Variants in LIN52 observed in about 807,000 individuals in gnomAD.
LIN52 encodes lin-52 DREAM MuvB core complex component, also known as protein lin-52 homolog.
In LIN52, 4 loss-of-function variants were observed where a neutral mutation model predicts 18.5. The observed-to-expected ratio is 0.22, with a 90% confidence interval of 0.11 to 0.49. The LOEUF is 0.49. Among genes scored for constraint, LIN52 ranks in the 20% least tolerant of loss-of-function variants. The probability of loss-of-function intolerance (pLI) is 0.97; values close to 1 mark genes in which losing one functional copy is unlikely to be tolerated. For synonymous variants in LIN52, 34 were observed against 45.5 expected, an observed-to-expected ratio of 0.75 and a Z score of 1.02; for missense variants, 102 against 139.5, an observed-to-expected ratio of 0.73 and a Z score of 1.35.
chr14:74,123,991 A>G (rs138561766), intron 5 of LIN52, among the ~76,000 whole-genome samples: 6 of 152,306 alleles, frequency 3.9e-5, no homozygotes, highest in Non-Finnish European at 8.8e-5. Flanking sequence ...AGAGAGTTAA[A>G]TTGGATGATG....
chr14:74,134,639 C>G, intron 5 of LIN52, among the ~76,000 whole-genome samples: 1 of 150,658 alleles, frequency 6.6e-6, no homozygotes, highest in South Asian at 2.3e-4. Context: ...CCCCCTCCCC[C>G]ATTTTCCTTT....
intron 4 of LIN52, among the ~76,000 whole-genome samples, chr14:74,098,864 A>G (rs2060833900): frequency 6.6e-6 from 1 of 152,100 alleles, no homozygotes; most frequent in African/African-American, 2.4e-5. Flanking sequence ...CTGCTTTTTT[A>G]AGTCTAGCCT....
At chr14:74,195,883 G>A (rs2078909466) in intron 5 of LIN52, among the ~76,000 whole-genome samples, 1 of 152,178 alleles carries the variant, frequency 6.6e-6, no homozygotes, top group Non-Finnish European at 1.5e-5. Flanking sequence ...GAATTAATCA[G>A]AAATGTTAAC....
chr14:74,117,958 A>G (rs2060974762), intron 5 of LIN52, among the ~76,000 whole-genome samples: 1 of 152,198 alleles, frequency 6.6e-6, no homozygotes, highest in Non-Finnish European at 1.5e-5. Context: ...AATAGAAGTA[A>G]TGATTTGTTT....
intron 2 of LIN52, among the ~76,000 whole-genome samples, chr14:74,093,781 C>T (rs2060789158): frequency 6.6e-6 from 1 of 152,176 alleles, no homozygotes; most frequent in Non-Finnish European, 1.5e-5. Flanking sequence ...GCCTAGCTAA[C>T]ATGGCGAAAC....
At chr14:74,178,568 G>A (rs113680450) in intron 5 of LIN52, among the ~76,000 whole-genome samples, 16,930 of 151,044 alleles carry the variant, frequency 0.11, 1,240 homozygotes, top group Admixed American at 0.19. Flanking sequence ...AGTGATTCTC[G>A]TGCGTTAGCC....
intron 4 of LIN52, among the ~76,000 whole-genome samples, chr14:74,100,765 C>G (rs930691143): frequency 1.3e-5 from 2 of 152,140 alleles, no homozygotes; most frequent in Non-Finnish European, 2.9e-5. Context: ...CATGAGCCAC[C>G]ATGCCTGGCT....
chr14:74,158,398 C>T (rs934732812), intron 5 of LIN52, among the ~76,000 whole-genome samples: 2 of 152,146 alleles, frequency 1.3e-5, no homozygotes, highest in South Asian at 4.1e-4. Flanking sequence ...TAGGCGTGAG[C>T]CACCGTGCGT....
At chr14:74,128,707 T>C (rs10142017) in intron 5 of LIN52, among the ~76,000 whole-genome samples, 77,422 of 152,058 alleles carry the variant, frequency 0.51, 20,349 homozygotes, top group East Asian at 0.89. Flanking sequence ...TTTGGGAGGC[T>C]GAGACAGGCA....
chr14:74,142,429 C>T (rs1408640882), intron 5 of LIN52, among the ~76,000 whole-genome samples: 6 of 152,014 alleles, frequency 3.9e-5, no homozygotes, highest in Admixed American at 3.3e-4. Flanking sequence ...TACTTCTTGT[C>T]CAAGCCTTTA....
chr14:74,139,810 AT>A (rs1180331647), intron 5 of LIN52, among the ~76,000 whole-genome samples: 1 of 152,170 alleles, frequency 6.6e-6, no homozygotes, highest in Non-Finnish European at 1.5e-5. Context: ...CCAAGAGTTT[AT>A]TTTTATATTC....
intron 5 of LIN52, among the ~76,000 whole-genome samples, chr14:74,150,887 C>T (rs959449295): frequency 6.6e-6 from 1 of 152,294 alleles, no homozygotes; most frequent in African/African-American, 2.4e-5. Context: ...CTCCCGCCCC[C>T]CTGCTCCAAG....
At chr14:74,101,460 C>CTT (rs200423163) in intron 5 of LIN52, among the ~76,000 whole-genome samples, 13 of 138,846 alleles carry the variant, frequency 9.4e-5, no homozygotes, top group African/African-American at 2.1e-4. Flanking sequence ...AATGATTTTT[C>CTT]TTTTTTTTTT....
At chr14:74,191,442 C>G (rs1374001774) in intron 5 of LIN52, among the ~76,000 whole-genome samples, 1 of 152,136 alleles carries the variant, frequency 6.6e-6, no homozygotes, top group Non-Finnish European at 1.5e-5. Flanking sequence ...TCCCTTTTGT[C>G]ATAGCTGTTA....
chr14:74,189,179 A>C (rs117333541), intron 5 of LIN52, among the ~76,000 whole-genome samples: 1 of 152,180 alleles, frequency 6.6e-6, no homozygotes, highest in Non-Finnish European at 1.5e-5. Context: ...TCTTAACCTT[A>C]CATGATAGAT....
chr14:74,108,275 T>C lies in LIN52; in HGVS notation c.283+7037T>C, dbSNP rs545252301. Among the ~76,000 whole-genome samples, 6 of 152,366 alleles carry C rather than the reference T, an allele frequency of 3.9e-5. No homozygotes were observed. In the East Asian group the frequency reaches 1.2e-3, roughly 29 times the overall value. On this transcript the variant is annotated intron_variant, in intron 5 of 5. Transcript: ENST00000555028. ...CACATTGTATTTATCTACCTGGTGATGGGCGTTTGAGTTGTTTTCACTACT... is the reference window on the plus strand; with the variant it reads ...CACATTGTATTTATCTACCTGGTGACGGGCGTTTGAGTTGTTTTCACTACT...
intron 5 of LIN52, among the ~76,000 whole-genome samples, chr14:74,196,282 C>G (rs1276111234): frequency 6.6e-6 from 1 of 152,090 alleles, no homozygotes; most frequent in East Asian, 1.9e-4. Context: ...CTTTTAAACC[C>G]TTTTGACCCC....
At chr14:74,137,689 G>A (rs1299859470) in intron 5 of LIN52, among the ~76,000 whole-genome samples, 2 of 151,846 alleles carry the variant, frequency 1.3e-5, no homozygotes, top group Non-Finnish European at 2.9e-5. Flanking sequence ...TAGTAGAGAC[G>A]GGGTTTCACT....
chr14:74,174,830 G>T (rs2061285600), intron 5 of LIN52: 2 of 150,356 alleles, frequency 1.3e-5, no homozygotes. Flanking sequence ...ACATGTCAAG[G>T]TCCCATCTCT....
Sources: gnomAD v4.1 joint callset for allele counts (sites outside exome capture counted in the v4.1 genomes callset) on GRCh38, gnomAD v4.1.1 for gene constraint, MANE v1.5 for transcripts, NCBI Gene and HGNC (gene_info 2026-07-23, HGNC 2026-07-21) for gene names.